MMP20: variants seen among roughly 807,000 people sequenced by gnomAD.
MMP20 encodes the protein matrix metallopeptidase 20.
MMP20 carries 50 observed loss-of-function variants against 51.8 expected under a neutral mutation model. The ratio of observed to expected loss-of-function variants is 0.97; its 90% CI spans 0.77 to 1.22. The LOEUF is 1.22. MMP20 is among the 50% of genes most tolerant of loss of function. MMP20 has a pLI of 0.00. For synonymous variants in MMP20, 244 were observed against 216.2 expected (o/e 1.13, Z -1.13); for missense variants, 663 against 601.4 (o/e 1.10, Z -1.07).
chr11:102,579,510 C>T (rs1859168859), intron 8 of MMP20, among the ~76,000 whole-genome samples: 1 of 152,026 alleles, frequency 6.6e-6, no homozygotes, highest in Non-Finnish European at 1.5e-5. Context: ...CAGGGTCTTG[C>T]CATGTTGCCC....
chr11:102,605,072 T>A (rs944409822), intron 6 of MMP20, among the ~76,000 whole-genome samples: 1 of 152,168 alleles, frequency 6.6e-6, no homozygotes, highest in Non-Finnish European at 1.5e-5. Flanking sequence ...AAGAGGACAT[T>A]CCTGACTCAT....
At position 102,596,745 on chromosome 11, in the gene MMP20, C is replaced by T. The variant is rs74470884; in HGVS notation, c.954-1988G>A. 9.5e-3 allele frequency among the ~76,000 whole-genome samples: 1,453 copies of T among 152,338 alleles called. 24 individuals carry two copies. The highest frequency in any genetic ancestry group is 0.032 in the African/African-American group (1,320 of 41,568). On this transcript the variant is annotated intron_variant, in intron 6 of 9. Transcript: ENST00000260228. ...AGCTGCCTTGAGGTTAGTCACATGT[C>T]CGATCTCACCTACTTGCTCATGCTC...
intron 1 of MMP20, 85 bp from the exon 2 acceptor site, chr11:102,617,144 A>G (rs1166116709): frequency 6.7e-6 from 10 of 1,502,502 alleles, no homozygotes; most frequent in Non-Finnish European, 9.2e-6. Flanking sequence ...AGCATTCCTG[A>G]TGTATTAAAA....
At chr11:102,621,094 A>G (rs1202291090) in intron 1 of MMP20, among the ~76,000 whole-genome samples, 1 of 151,894 alleles carries the variant, frequency 6.6e-6, no homozygotes, top group Non-Finnish European at 1.5e-5. Flanking sequence ...GCTCCCTCCT[A>G]CCCGCCTGCA....
At chr11:102,616,655 G>A (rs75304905) in intron 2 of MMP20, among the ~76,000 whole-genome samples, 157 bp downstream of exon 2, 1 of 152,170 alleles carries the variant, frequency 6.6e-6, no homozygotes, top group Non-Finnish European at 1.5e-5. Flanking sequence ...ATTGCCCATT[G>A]TCATTGCCTG....
chr11:102,595,598 A>G (rs1003851045), intron 6 of MMP20, among the ~76,000 whole-genome samples: 9 of 152,236 alleles, frequency 5.9e-5, no homozygotes, highest in Non-Finnish European at 8.8e-5. Flanking sequence ...ATTAATAATC[A>G]TAAGTTATGG....
At chr11:102,603,502 T>A in intron 6 of MMP20, among the ~76,000 whole-genome samples, 1 of 152,240 alleles carries the variant, frequency 6.6e-6, no homozygotes, top group African/African-American at 2.4e-5. Context: ...TTGAACAAGT[T>A]GCTTATCCTT....
chr11:102,622,178 T>G (rs1306370988), intron 1 of MMP20, among the ~76,000 whole-genome samples: 2 of 152,068 alleles, frequency 1.3e-5, no homozygotes, highest in Non-Finnish European at 2.9e-5. Context: ...AGTGTAGATT[T>G]TTTAGGGGAG....
intron 8 of MMP20, among the ~76,000 whole-genome samples, chr11:102,591,811 C>T (rs930643711): frequency 3.3e-5 from 5 of 152,156 alleles, no homozygotes. Context: ...CTAAAACTTA[C>T]AGAGAATTTT....
At chr11:102,624,336 G>A (rs1266849733) in intron 1 of MMP20, among the ~76,000 whole-genome samples, 3 of 127,738 alleles carry the variant, frequency 2.3e-5, no homozygotes, top group Non-Finnish European at 5.1e-5. Flanking sequence ...AATTCCATCC[G>A]TAGACATCCA....
intron 8 of MMP20, among the ~76,000 whole-genome samples, chr11:102,589,757 T>A (rs764458978): frequency 3.9e-5 from 6 of 152,208 alleles, no homozygotes; most frequent in Non-Finnish European, 1.5e-5. Flanking sequence ...GTCTAATAAA[T>A]GTAGGTTGAA....
intron 8 of MMP20, among the ~76,000 whole-genome samples, chr11:102,587,767 C>G (rs917514832): frequency 3.9e-5 from 6 of 152,024 alleles, no homozygotes; most frequent in African/African-American, 7.2e-5. Context: ...GCCATTCAAG[C>G]TTTCTTATGG....
chr11:102,608,892 C>A (rs376497584), intron 5 of MMP20, 45 bp downstream of exon 5: 37 of 1,593,348 alleles, frequency 2.3e-5, no homozygotes, highest in Non-Finnish European at 3.2e-5. Context: ...AGACTGAATG[C>A]CTGCCAATTT....
intron 8 of MMP20, among the ~76,000 whole-genome samples, chr11:102,586,242 A>G (rs1459370265): frequency 6.6e-6 from 1 of 152,154 alleles, no homozygotes; most frequent in Non-Finnish European, 1.5e-5. Flanking sequence ...CTTTCAATGT[A>G]TTGGTAGAAT....
chr11:102,597,791 G>C (rs1027676437), intron 6 of MMP20, among the ~76,000 whole-genome samples: 1 of 151,912 alleles, frequency 6.6e-6, no homozygotes, highest in Admixed American at 6.6e-5. Context: ...TTTTGAGATG[G>C]AGTTTCACTC....
intron 6 of MMP20, 97 bp downstream of exon 6, chr11:102,606,438 A>T (rs1859517025): frequency 1.3e-6 from 2 of 1,496,246 alleles, no homozygotes; most frequent in Non-Finnish European, 1.8e-6. Context: ...TTTCTGCATG[A>T]TCTTCATACA....
chr11:102,611,791 C>T lies in MMP20; in HGVS notation c.487G>A (p.Gly163Arg). The change falls in exon 3 of 10, where the codon GGA becomes AGA. Residue 163 changes from glycine to arginine, a missense_variant. Physicochemically the swap from Gly to Arg is moderately radical, Grantham distance 125 (BLOSUM62 -2). Coordinates refer to ENST00000260228, the MANE Select transcript of MMP20 (RefSeq NM_004771.4). ...AAAGATATCATAATATCCGCTTCTCCTGAGTTTATTCTGACAAAGCTCAGA... is the reference window on the plus strand; with the variant it reads ...AAAGATATCATAATATCCGCTTCTCTTGAGTTTATTCTGACAAAGCTCAGA... ...VPLSFVRINS[G>R]EADIMISFEN... is the part of the protein sequence containing the mutation. 1 of 1,614,202 alleles carries T rather than the reference C, an allele frequency of 6.2e-7. No individual in the cohort carries two copies. Among genetic ancestry groups the T allele is most frequent in the Non-Finnish European group, 8.5e-7 (1 of 1,180,032 alleles).
chr11:102,615,397 G>A (rs1859656936), intron 2 of MMP20, among the ~76,000 whole-genome samples: 1 of 151,820 alleles, frequency 6.6e-6, no homozygotes. Context: ...AAATTCTTGG[G>A]AGCTTAACAA....
At chr11:102,578,146 A>AT (rs35835372) in intron 9 of MMP20, among the ~76,000 whole-genome samples, 48,890 of 146,550 alleles carry the variant, frequency 0.33, 8,227 homozygotes, top group East Asian at 0.53. Context: ...CTTGAGACAG[A>AT]TTTTTTTTTT....
Sources: gnomAD v4.1 joint callset for allele counts (sites outside exome capture counted in the v4.1 genomes callset) on GRCh38, gnomAD v4.1.1 for gene constraint, MANE v1.5 for transcripts, NCBI Gene and HGNC (gene_info 2026-07-23, HGNC 2026-07-21) for gene names.